Variants in YLPM1 observed in about 807,000 individuals in gnomAD.
YLPM1 encodes YLP motif-containing protein 1.
YLPM1 carries 99 observed loss-of-function variants against 230.0 expected under a neutral mutation model. That is an observed-to-expected ratio of 0.43 (90% CI 0.37 to 0.51). The LOEUF (loss-of-function observed/expected upper bound fraction) is 0.51. YLPM1 is among the 20% of genes least tolerant of loss of function. YLPM1 has a pLI of 0.00. For synonymous variants in YLPM1, 984 were observed against 942.5 expected, an observed-to-expected ratio of 1.04 and a Z score of -0.81; for missense variants, 2,592 against 2,707.7, an observed-to-expected ratio of 0.96 and a Z score of 0.95.
rs574255597 is a variant in YLPM1 at position 74,827,673 on chromosome 14, T to G, written c.6164-1540T>G. On this transcript the variant is annotated intron_variant, in intron 18 of 20. Coordinates refer to ENST00000325680, the MANE Select transcript of YLPM1 (RefSeq NM_019589.3). ...TAATGTCAAAGTTGATCGTATTAAG[T>G]TTGGAAATCCTTTGAGGTTTATCTA... 7.2e-4 allele frequency: 706 copies of G among 985,430 alleles called. 1 individual carries two copies. Among genetic ancestry groups the G allele is most frequent in the Non-Finnish European group, 8.0e-4 (667 of 829,938 alleles). The allele number at this position is 985,430 out of a possible 1,614,324, so 61.0% of individuals were successfully genotyped here. A position where few individuals can be genotyped will look rare whatever the true frequency, so the allele number is the denominator to read the frequency against.
intron 16 of YLPM1, among the ~76,000 whole-genome samples, chr14:74,820,658 TG>T (rs2091514113): frequency 6.6e-6 from 1 of 152,226 alleles, no homozygotes; most frequent in African/African-American, 2.4e-5. Context: ...GCTACCACTC[TG>T]GGCCAAGCCA....
intron 18 of YLPM1, chr14:74,827,759 G>A (rs1201631261): frequency 2.0e-6 from 2 of 985,268 alleles, no homozygotes; most frequent in Non-Finnish European, 2.4e-6. Context: ...ACCAAGAACA[G>A]TTTTATTGTT....
intron 1 of YLPM1, among the ~76,000 whole-genome samples, chr14:74,773,406 G>A (rs180826390): frequency 1.3e-5 from 2 of 152,346 alleles, no homozygotes; most frequent in African/African-American, 4.8e-5. Context: ...GAGAATAGGT[G>A]ATGAAGAAGC....
Position 74,780,504 on chromosome 14 carries a change from G to A in YLPM1, c.1210G>A (p.Gly404Arg). 6.2e-7 allele frequency: 1 copy of A among 1,613,938 alleles called. No individual in the cohort carries two copies. The highest frequency in any genetic ancestry group is 8.5e-7 in the Non-Finnish European group (1 of 1,179,880). Residue 404 changes from glycine (G) to arginine (R), a missense_variant, in exon 3 of 21, where the codon GGA (glycine) becomes AGA (arginine). This residue lies in a region of YLPM1 where 1,862 missense variants were observed against 1,819.8 expected (regional missense o/e 1.02). Transcript: ENST00000325680. ...GCATCGAGTCGGTTTCCAGTATCAG[G>A]GAATAATGCAGAAGCACACTCAGTT... The part of the protein sequence containing the change: ...QQHRVGFQYQ[G>R]IMQKHTQLQQ...
intron 19 of YLPM1, among the ~76,000 whole-genome samples, chr14:74,831,082 CTT>C (rs777059548): frequency 1.4e-4 from 21 of 152,224 alleles, no homozygotes; most frequent in Admixed American, 1.3e-3. Context: ...TAATCAAACT[CTT>C]TAACTTTTGA....
chr14:74,818,312 G>T lies in YLPM1; in HGVS notation c.6028G>T (p.Glu2010Ter). ...TTTGCTGCAAGATGCTGCTATTGAA[G>T]AGGTGAGTATCCTTTGGTTCAAATG... ...RSLLQDAAIE[E>*]VEMEDFDANI... Residue 2010 changes from glutamate to a stop codon, truncating the protein, a stop_gained and splice_region_variant, in exon 16 of 21, where the codon GAG (glutamate) becomes TAG (stop). Coordinates refer to ENST00000325680, the MANE Select transcript of YLPM1 (RefSeq NM_019589.3). LOFTEE classifies it high-confidence loss of function. 6.3e-7 allele frequency: 1 copy of T among 1,596,356 alleles called. No homozygotes were observed.
intron 1 of YLPM1, among the ~76,000 whole-genome samples, chr14:74,767,934 G>T (rs1254263170): frequency 6.6e-6 from 1 of 151,910 alleles, no homozygotes; most frequent in Non-Finnish European, 1.5e-5. Context: ...CCCACTGTTA[G>T]TAATGCCATT....
At chr14:74,782,883 A>T (rs528249833) in intron 4 of YLPM1, among the ~76,000 whole-genome samples, 2 of 152,294 alleles carry the variant, frequency 1.3e-5, no homozygotes, top group Non-Finnish European at 2.9e-5. Context: ...TACATCCTTT[A>T]TATTTTCCCC....
At chr14:74,829,077 G>T in intron 18 of YLPM1, 136 bp from the exon 19 acceptor site, 1 of 921,034 alleles carries the variant, frequency 1.1e-6, no homozygotes. Context: ...AAGATAGTTT[G>T]GATCTGCAAG....
At chr14:74,828,102 T>C in intron 18 of YLPM1, 1 of 736,796 alleles carries the variant, frequency 1.4e-6, no homozygotes, top group Non-Finnish European at 1.7e-6. Flanking sequence ...AACAGTTGTG[T>C]GTAAAACTTT....
chr14:74,807,050 G>A (rs1425227336), intron 6 of YLPM1, among the ~76,000 whole-genome samples: 1 of 152,052 alleles, frequency 6.6e-6, no homozygotes, highest in Non-Finnish European at 1.5e-5. Context: ...AGTTTACCAT[G>A]CCATACTTTA....
rs2091487904 is a variant in YLPM1 at position 74,817,405 on chromosome 14, G to A, written c.5946+128G>A. 3 of 868,430 alleles carry A rather than the reference G, an allele frequency of 3.5e-6. No homozygotes were observed. In the Admixed American group the frequency reaches 9.2e-5, roughly 27 times the overall value. 53.8% of individuals were successfully genotyped at this position (868,430 alleles called of 1,614,324 possible). On this transcript the variant is annotated intron_variant, in intron 15 of 20. Transcript: ENST00000325680. ...TGTATTTTTATTGTACCTTTTCTGT[G>A]TTTAGATATGTTTAAGTACACAAAT... is the stretch of plus-strand genomic sequence containing the variant.
chr14:74,811,880 A>G, intron 10 of YLPM1, 142 bp downstream of exon 10: 1 of 552,256 alleles, frequency 1.8e-6, no homozygotes, highest in Non-Finnish European at 3.1e-6. Flanking sequence ...CCTAAAAAAT[A>G]GCAGTGTAAT....
At chr14:74,780,819 A>G (rs1469720940) in intron 3 of YLPM1, among the ~76,000 whole-genome samples, 1 of 152,184 alleles carries the variant, frequency 6.6e-6, no homozygotes. Flanking sequence ...TACTATTGCT[A>G]AGGGTCTTAA....
At chr14:74,773,290 GA>G (rs796175164) in intron 1 of YLPM1, among the ~76,000 whole-genome samples, 4 of 145,922 alleles carry the variant, frequency 2.7e-5, no homozygotes, top group East Asian at 2.0e-4. Flanking sequence ...TCCATCTCAA[GA>G]AAAAAAAAAG....
Position 74,799,061 on chromosome 14 carries a change from C to G in YLPM1, c.3764C>G (p.Ser1255Cys). The part of the protein sequence containing the change: ...EDRFSAPPSR[S>C]HDGDRRGPWW... ...AGGTTCTCAGCACCACCATCTCGGT[C>G]TCATGATGGAGATAGGCGAGGCCCT... is the stretch of plus-strand genomic sequence containing the variant. The change falls in exon 5 of 21, where the codon TCT (serine) becomes TGT (cysteine). Residue 1255 changes from serine to cysteine, a missense_variant. Ser to Cys is a moderately radical substitution (Grantham distance 112, BLOSUM62 -1). Transcript: ENST00000325680. The G allele has an allele frequency of 7.4e-6, 12 of 1,613,868 alleles. No homozygotes were observed. The highest frequency in any genetic ancestry group is 1.0e-5 in the Non-Finnish European group (12 of 1,179,890).
At chr14:74,790,492 G>C (rs555605534) in intron 4 of YLPM1, among the ~76,000 whole-genome samples, 32 of 152,142 alleles carry the variant, frequency 2.1e-4, no homozygotes, top group Non-Finnish European at 4.1e-4. Context: ...AAAAGTATTT[G>C]TATAACTGCA....
chr14:74,773,275 G>A (rs1389753012), intron 1 of YLPM1, among the ~76,000 whole-genome samples: 1 of 151,706 alleles, frequency 6.6e-6, no homozygotes, highest in Non-Finnish European at 1.5e-5. Context: ...GCGACAGAGC[G>A]AGACTCCATC....
chr14:74,768,937 G>A (rs2090942836), intron 1 of YLPM1, among the ~76,000 whole-genome samples: 1 of 151,872 alleles, frequency 6.6e-6, no homozygotes, highest in African/African-American at 2.4e-5. Flanking sequence ...ACAGTACCTT[G>A]CATAGGATCT....
Sources: gnomAD v4.1 joint callset for allele counts (sites outside exome capture counted in the v4.1 genomes callset) on GRCh38, gnomAD v4.1.1 for gene constraint, gnomAD v4.1.1 regional missense constraint, MANE v1.5 for transcripts, NCBI Gene and HGNC (gene_info 2026-07-23, HGNC 2026-07-21) for gene names.